RAB23: variants seen among roughly 807,000 people sequenced by gnomAD.
The protein encoded by RAB23 is RAB23, member RAS oncogene family.
In RAB23, 15 loss-of-function variants were observed where a neutral mutation model predicts 30.0. That is an observed-to-expected ratio of 0.50 (90% CI 0.33 to 0.77). The LOEUF is 0.77. Among genes scored for constraint, RAB23 ranks in the 30% least tolerant of loss-of-function variants. The pLI is 0.02. For synonymous variants in RAB23, 93 were observed against 94.0 expected (o/e 0.99, Z 0.06); for missense variants, 243 against 275.4 (o/e 0.88, Z 0.83).
chr6:57,221,425 G>A (rs766344500), intron 1 of RAB23: 2 of 152,254 alleles, frequency 1.3e-5, no homozygotes, highest in Non-Finnish European at 2.9e-5. Flanking sequence ...AGCACAATTT[G>A]GCTCATTCAT....
chr6:57,205,254 A>G lies in RAB23; in HGVS notation c.241+2374T>C, dbSNP rs181135496. Among the ~76,000 whole-genome samples the G allele has an allele frequency of 2.1e-3, 313 of 151,838 alleles. 1 individual carries two copies. Among genetic ancestry groups the G allele is most frequent in the African/African-American group, 7.3e-3 (301 of 41,438 alleles). On this transcript the variant is annotated intron_variant, in intron 3 of 6. Transcript: ENST00000468148. ...TGTGTGTGTATGTATGTGTGTGTGT[A>G]TATATATATAAAAATAAAATTTCAT... is the stretch of plus-strand genomic sequence containing the variant.
At chr6:57,207,539 C>T in intron 3 of RAB23, 89 bp downstream of exon 3, 3 of 863,842 alleles carry the variant, frequency 3.5e-6, no homozygotes, top group Non-Finnish European at 5.9e-6. Flanking sequence ...CAAGAGAAGC[C>T]CTTATACGGG....
chr6:57,200,904 C>T (rs370602801), intron 3 of RAB23, among the ~76,000 whole-genome samples: 8 of 152,236 alleles, frequency 5.3e-5, no homozygotes, highest in African/African-American at 1.9e-4. Flanking sequence ...TGAACCACAT[C>T]TAAGAGATAC....
At chr6:57,196,717 A>C (rs938087068) in intron 3 of RAB23, 111 bp from the exon 4 acceptor site, 1 of 1,374,760 alleles carries the variant, frequency 7.3e-7, no homozygotes, top group African/African-American at 1.4e-5. Flanking sequence ...TATCCATTCA[A>C]AACAACTTTT....
At chr6:57,209,920 A>T (rs1167153845) in intron 2 of RAB23, among the ~76,000 whole-genome samples, 1 of 152,218 alleles carries the variant, frequency 6.6e-6, no homozygotes, top group Non-Finnish European at 1.5e-5. Context: ...TGGAAATCTC[A>T]CTGGAGTCAG....
At chr6:57,217,099 G>C (rs768306387) in intron 1 of RAB23, among the ~76,000 whole-genome samples, 7 of 150,566 alleles carry the variant, frequency 4.6e-5, no homozygotes, top group Non-Finnish European at 1.0e-4. Context: ...GATCACAATG[G>C]AATCAAACTA....
At chr6:57,203,878 A>G (rs1323621604) in intron 3 of RAB23, among the ~76,000 whole-genome samples, 2 of 152,194 alleles carry the variant, frequency 1.3e-5, no homozygotes, top group Non-Finnish European at 1.5e-5. Flanking sequence ...GGGAAGCCTT[A>G]AAGTACACAG....
In RAB23 at chr6:57,221,821, T is replaced by C. The variant is rs1408677452; in HGVS notation, c.-161A>G. The C allele has an allele frequency of 6.6e-6, 1 of 152,324 alleles. No homozygotes were observed. The highest frequency in any genetic ancestry group is 6.5e-5 in the Admixed American group (1 of 15,292). The allele number at this position is 152,324 out of a possible 1,614,324, so 9.4% of individuals were successfully genotyped here. On this transcript the variant is annotated 5_prime_UTR_variant, in exon 1 of 7. Transcript: ENST00000468148. ...TGCTCAGGGAGGGGAGAGCCGGCGC[T>C]CGGCGGTCCGAACCGGGGGATGGGG...
chr6:57,191,249 C>T (rs1344518627), intron 6 of RAB23, among the ~76,000 whole-genome samples: 3 of 152,064 alleles, frequency 2.0e-5, no homozygotes, highest in Admixed American at 6.5e-5. Flanking sequence ...GATTTTCACC[C>T]CTTGCCAGTT....
At chr6:57,198,147 G>C (rs1371563462) in intron 3 of RAB23, among the ~76,000 whole-genome samples, 1 of 152,064 alleles carries the variant, frequency 6.6e-6, no homozygotes, top group Non-Finnish European at 1.5e-5. Flanking sequence ...AAGACACCCT[G>C]AGACCTTCTC....
rs1765606198 is a variant in RAB23 at position 57,210,328 on chromosome 6, C to G, written c.53G>C (p.Gly18Ala). The G allele has an allele frequency of 6.2e-7, 1 of 1,613,852 alleles. No homozygotes were observed. The stretch of plus-strand genomic sequence containing the variant: ...AATCATACTTGATTTTCCAACTGCT[C>G]CATTCCCTACAACCACCATCTTTAT... ...VAIKMVVVGN[G>A]AVGKSSMIQR... is the part of the protein sequence containing the mutation. The change falls in exon 2 of 7, where the codon GGA (glycine) becomes GCA (alanine). Residue 18 changes from glycine (G) to alanine (A), a missense_variant. Transcript: ENST00000468148.
At chr6:57,200,147 C>CT (rs769536900) in intron 3 of RAB23, among the ~76,000 whole-genome samples, 6 of 151,310 alleles carry the variant, frequency 4.0e-5, no homozygotes, top group Non-Finnish European at 8.8e-5. Flanking sequence ...AAGCAAATGG[C>CT]TGATCCTGCT....
intron 3 of RAB23, among the ~76,000 whole-genome samples, chr6:57,202,582 T>C (rs539242025): frequency 6.1e-4 from 93 of 152,054 alleles, no homozygotes; most frequent in African/African-American, 2.2e-3. Context: ...CAAAAGGAAA[T>C]CAACATGAGG....
intron 3 of RAB23, among the ~76,000 whole-genome samples, chr6:57,202,684 A>G (rs1223804285): frequency 6.6e-6 from 1 of 152,170 alleles, no homozygotes; most frequent in Non-Finnish European, 1.5e-5. Context: ...CTATTTCCAG[A>G]CTTTTCTATC....
At chr6:57,208,978 CTAACA>C (rs1765548757) in intron 2 of RAB23, among the ~76,000 whole-genome samples, 1 of 152,140 alleles carries the variant, frequency 6.6e-6, no homozygotes, top group African/African-American at 2.4e-5. Context: ...CAAAGCTTAT[CTAACA>C]TATTTATTTT....
intron 1 of RAB23, among the ~76,000 whole-genome samples, chr6:57,210,917 G>C (rs1026263871): frequency 2.6e-5 from 4 of 152,192 alleles, no homozygotes; most frequent in African/African-American, 9.7e-5. Context: ...CCAAAAATCT[G>C]AAGTCTGAAA....
intron 3 of RAB23, among the ~76,000 whole-genome samples, chr6:57,199,444 G>A (rs575254127): frequency 8.7e-4 from 132 of 152,052 alleles, no homozygotes; most frequent in African/African-American, 2.0e-3. Flanking sequence ...CCAAATAAAC[G>A]AGCCCCACCC....
At chr6:57,201,268 A>G (rs1416257182) in intron 3 of RAB23, among the ~76,000 whole-genome samples, 1 of 152,066 alleles carries the variant, frequency 6.6e-6, no homozygotes, top group Non-Finnish European at 1.5e-5. Context: ...CTTTTAGCAG[A>G]GATGGGGTTT....
rs144453628 is a variant in RAB23 at position 57,219,947 on chromosome 6, T to C, written c.-66+1779A>G. Among the ~76,000 whole-genome samples the C allele has an allele frequency of 3.5e-3, 532 of 152,266 alleles. 6 individuals carry two copies. Among genetic ancestry groups the C allele is most frequent in the African/African-American group, 0.012 (496 of 41,542 alleles). On this transcript the variant is annotated intron_variant, in intron 1 of 6. Coordinates refer to ENST00000468148, the MANE Select transcript of RAB23 (RefSeq NM_016277.5). ...CTGGACTTCACCAAAATTAAAAACA[T>C]TGCTGTCTGAAAGACACTGTTAGAA... is the stretch of plus-strand genomic sequence containing the variant.
Sources: gnomAD v4.1 joint callset for allele counts (sites outside exome capture counted in the v4.1 genomes callset) on GRCh38, gnomAD v4.1.1 for gene constraint, MANE v1.5 for transcripts, NCBI Gene and HGNC (gene_info 2026-07-23, HGNC 2026-07-21) for gene names.